Variants in GRID2 observed in about 807,000 individuals in gnomAD.
GRID2 encodes glutamate ionotropic receptor delta type subunit 2.
Under a neutral mutation model 114.8 loss-of-function variants are expected in GRID2, and 33 were observed. The observed-to-expected ratio is 0.29, with a 90% CI of 0.22 to 0.38. GRID2 has a LOEUF of 0.38. Among genes scored for constraint, GRID2 ranks in the 10% least tolerant of loss-of-function variants. The pLI, the probability that GRID2 is intolerant of heterozygous loss-of-function variation, is 1.00. For missense variants in GRID2, 1,184 were observed against 1,257.7 expected, an observed-to-expected ratio of 0.94 and a Z score of 0.89; for synonymous variants, 505 against 449.9, an observed-to-expected ratio of 1.12 and a Z score of -1.55.
intron 2 of GRID2, among the ~76,000 whole-genome samples, chr4:92,890,884 C>T (rs1344819910): frequency 6.6e-6 from 1 of 152,084 alleles, no homozygotes; most frequent in African/African-American, 2.4e-5. Context: ...CAATGATAGA[C>T]TGGATAAAGA....
At chr4:93,623,606 C>A (rs6836913) in intron 13 of GRID2, among the ~76,000 whole-genome samples, 167 of 152,250 alleles carry the variant, frequency 1.1e-3, no homozygotes, top group African/African-American at 3.9e-3. Context: ...CAATGATAGA[C>A]TGGATAAAGA....
chr4:93,140,115 C>G (rs1235635128), intron 4 of GRID2, among the ~76,000 whole-genome samples: 4 of 151,570 alleles, frequency 2.6e-5, no homozygotes, highest in African/African-American at 9.7e-5. Flanking sequence ...CTCTGCCATC[C>G]CTTAATCTCC....
chr4:93,317,195 T>A (rs935281231), intron 8 of GRID2, among the ~76,000 whole-genome samples: 1 of 152,140 alleles, frequency 6.6e-6, no homozygotes, highest in African/African-American at 2.4e-5. Flanking sequence ...TGGAATTAAA[T>A]GAACCATTGT....
At chr4:92,868,307 A>G (rs1745048741) in intron 2 of GRID2, among the ~76,000 whole-genome samples, 1 of 152,028 alleles carries the variant, frequency 6.6e-6, no homozygotes, top group African/African-American at 2.4e-5. Flanking sequence ...GAATTATTTG[A>G]AAAACAAAAT....
intron 2 of GRID2, among the ~76,000 whole-genome samples, chr4:92,890,183 T>C (rs1005025016): frequency 6.6e-6 from 1 of 152,128 alleles, no homozygotes; most frequent in Non-Finnish European, 1.5e-5. Flanking sequence ...ACCTGGGCAA[T>C]ATCATTCAGG....
chr4:92,722,844 C>G (rs1184065450), intron 2 of GRID2, among the ~76,000 whole-genome samples: 1 of 151,484 alleles, frequency 6.6e-6, no homozygotes, highest in Non-Finnish European at 1.5e-5. Flanking sequence ...AACATAATGA[C>G]CTGTTGATGA....
chr4:92,732,315 G>T (rs188229206), intron 2 of GRID2, among the ~76,000 whole-genome samples: 1 of 151,900 alleles, frequency 6.6e-6, no homozygotes, highest in Admixed American at 6.6e-5. Context: ...AAATTGTATG[G>T]TTACTGATTC....
At chr4:93,719,498 T>C (rs1729179038) in intron 14 of GRID2, among the ~76,000 whole-genome samples, 2 of 152,192 alleles carry the variant, frequency 1.3e-5, no homozygotes, top group South Asian at 4.1e-4. Context: ...ATAGCTTTTA[T>C]GGTATTTTGG....
At chr4:92,573,679 G>T (rs182218502) in intron 1 of GRID2, among the ~76,000 whole-genome samples, 1 of 152,134 alleles carries the variant, frequency 6.6e-6, no homozygotes, top group Non-Finnish European at 1.5e-5. Flanking sequence ...CTGAGGGACT[G>T]TTTGTTATTA....
intron 2 of GRID2, among the ~76,000 whole-genome samples, chr4:93,079,186 T>C (rs977518313): frequency 1.3e-5 from 2 of 151,758 alleles, no homozygotes; most frequent in Non-Finnish European, 2.9e-5. Flanking sequence ...ATTACATCAA[T>C]GATGGTAGAA....
At chr4:92,462,706 G>A (rs1026018115) in intron 1 of GRID2, among the ~76,000 whole-genome samples, 5 of 150,680 alleles carry the variant, frequency 3.3e-5, no homozygotes, top group African/African-American at 1.2e-4. Context: ...TAAGTGATCG[G>A]TTTAAAAAAA....
intron 13 of GRID2, among the ~76,000 whole-genome samples, chr4:93,584,524 T>G (rs1737342473): frequency 6.6e-6 from 1 of 152,122 alleles, no homozygotes; most frequent in South Asian, 2.1e-4. Flanking sequence ...TCTTATTGAT[T>G]GAACTATTGT....
chr4:93,036,388 T>C (rs1231355943), intron 2 of GRID2, among the ~76,000 whole-genome samples: 2 of 152,192 alleles, frequency 1.3e-5, no homozygotes. Context: ...TTGTGCACTC[T>C]GTGCTCTTAT....
Position 93,153,667 on chromosome 4 carries a change from T to C in GRID2, c.735+42714T>C, listed in dbSNP as rs558421094. 2.7e-3 allele frequency among the ~76,000 whole-genome samples: 415 copies of C among 152,168 alleles called. 1 individual carries two copies. The highest frequency in any genetic ancestry group is 5.1e-3 in the Non-Finnish European group (346 of 67,988). On this transcript the variant is annotated intron_variant, in intron 4 of 15. Transcript: ENST00000282020. ...TGGTCATGTGTTGAAGGTGGTAGTGTCCCAGTTTAGAAGGAAAGTGAATTA... is the reference window on the plus strand; with the variant it reads ...TGGTCATGTGTTGAAGGTGGTAGTGCCCCAGTTTAGAAGGAAAGTGAATTA...
chr4:92,489,846 A>T (rs1723071494), intron 1 of GRID2, among the ~76,000 whole-genome samples: 1 of 143,262 alleles, frequency 7.0e-6, no homozygotes. Context: ...ACTCCATTTA[A>T]AAAAAAAAAA....
chr4:93,012,893 T>C (rs1216957855), intron 2 of GRID2, among the ~76,000 whole-genome samples: 1 of 151,988 alleles, frequency 6.6e-6, no homozygotes, highest in Non-Finnish European at 1.5e-5. Flanking sequence ...ATGACATATA[T>C]CTATGAATAT....
At chr4:93,596,277 A>G (rs1028484138) in intron 13 of GRID2, among the ~76,000 whole-genome samples, 3 of 152,228 alleles carry the variant, frequency 2.0e-5, no homozygotes, top group Non-Finnish European at 4.4e-5. Flanking sequence ...TGGCTTTCTT[A>G]GAAAATAAAG....
intron 2 of GRID2, among the ~76,000 whole-genome samples, chr4:92,897,425 T>A (rs1747251578): frequency 6.6e-6 from 1 of 152,172 alleles, no homozygotes; most frequent in Non-Finnish European, 1.5e-5. Flanking sequence ...CTATTTTGTT[T>A]GTTTTAAAAA....
intron 3 of GRID2, among the ~76,000 whole-genome samples, chr4:93,089,148 A>C (rs192425795): frequency 6.6e-6 from 1 of 152,284 alleles, no homozygotes; most frequent in African/African-American, 2.4e-5. Context: ...AATATGAATG[A>C]TCTCTTCCTG....
Sources: allele counts gnomAD v4.1 joint callset (sites outside exome capture counted in the v4.1 genomes callset), GRCh38; gene constraint gnomAD v4.1.1; transcripts MANE v1.5; gene names NCBI Gene and HGNC (gene_info 2026-07-23, HGNC 2026-07-21).